MACROH2A2: variants seen among roughly 807,000 people sequenced by gnomAD.
MACROH2A2 encodes macroH2A.2 histone.
A neutral mutation model predicts 37.6 loss-of-function variants in MACROH2A2; 6 were observed. The observed-to-expected ratio is 0.16, with a 90% CI of 0.09 to 0.32. MACROH2A2 has a LOEUF of 0.32. Among genes scored for constraint, MACROH2A2 ranks in the 10% least tolerant of loss-of-function variants. MACROH2A2 has a pLI of 1.00. For synonymous variants in MACROH2A2, 192 were observed against 202.7 expected (o/e 0.95, Z 0.45); for missense variants, 290 against 485.9 (o/e 0.60, Z 3.79).
intron 1 of MACROH2A2, among the ~76,000 whole-genome samples, chr10:70,054,971 C>T (rs1012303735): frequency 2.6e-5 from 4 of 152,130 alleles, no homozygotes; most frequent in African/African-American, 9.7e-5. Flanking sequence ...TCCTCTATAT[C>T]AAAACTGCGT....
rs570273026 is a variant in MACROH2A2 at position 70,057,499 on chromosome 10, C to T, written c.-60+4499C>T. On this transcript the variant is annotated intron_variant, in intron 1 of 8. Transcript: ENST00000373255. ...GAATTTGGAGACTACAGGATTAGAC[C>T]GAGGGGATCTGAAAGTGCCCAGCCT... 2.0e-4 allele frequency among the ~76,000 whole-genome samples: 31 copies of T among 152,170 alleles called. 1 individual carries two copies. Among genetic ancestry groups the T allele is most frequent in the East Asian group, 7.7e-4 (4 of 5,176 alleles).
intron 3 of MACROH2A2, 99 bp from the exon 4 acceptor site, chr10:70,091,658 A>T (rs1259205574): frequency 4.8e-6 from 4 of 827,614 alleles, no homozygotes; most frequent in Non-Finnish European, 7.5e-6. Flanking sequence ...TGGGTGACAG[A>T]GTAAGATTCT....
At chr10:70,054,857 T>C (rs2136612122) in intron 1 of MACROH2A2, among the ~76,000 whole-genome samples, 1 of 152,344 alleles carries the variant, frequency 6.6e-6, no homozygotes, top group South Asian at 2.1e-4. Flanking sequence ...AAATTTCCTT[T>C]TAAAACATGC....
chr10:70,081,156 G>C (rs1204284664), intron 2 of MACROH2A2, among the ~76,000 whole-genome samples: 2 of 151,552 alleles, frequency 1.3e-5, no homozygotes, highest in African/African-American at 4.9e-5. Context: ...CTAGATGCTG[G>C]TTCTGCCACG....
At chr10:70,076,509 T>G (rs1167379321) in intron 2 of MACROH2A2, among the ~76,000 whole-genome samples, 1 of 152,236 alleles carries the variant, frequency 6.6e-6, no homozygotes. Flanking sequence ...TGTTGTTCTC[T>G]TATGTCATAG....
chr10:70,092,571 C>T (rs535797278), intron 4 of MACROH2A2, among the ~76,000 whole-genome samples: 5 of 152,320 alleles, frequency 3.3e-5, no homozygotes, highest in African/African-American at 9.6e-5. Flanking sequence ...ACAATGACTT[C>T]GTAGCAGACA....
chr10:70,074,640 C>G (rs1037349586), intron 1 of MACROH2A2, among the ~76,000 whole-genome samples: 1 of 152,094 alleles, frequency 6.6e-6, no homozygotes, highest in African/African-American at 2.4e-5. Context: ...GGTGGTTTCC[C>G]CCATACCATT....
chr10:70,054,027 G>A (rs1564538592), intron 1 of MACROH2A2, among the ~76,000 whole-genome samples: 1 of 152,106 alleles, frequency 6.6e-6, no homozygotes, highest in African/African-American at 2.4e-5. Flanking sequence ...GATCGCCCGT[G>A]GGTGTCCTCC....
chr10:70,056,517 T>C (rs1196468329), intron 1 of MACROH2A2, among the ~76,000 whole-genome samples: 1 of 152,226 alleles, frequency 6.6e-6, no homozygotes, highest in African/African-American at 2.4e-5. Flanking sequence ...AAGTGATTGA[T>C]AATACATAAT....
intron 7 of MACROH2A2, among the ~76,000 whole-genome samples, chr10:70,106,854 G>A (rs1330925057): frequency 1.3e-5 from 2 of 149,730 alleles, no homozygotes. Flanking sequence ...CATTCTGCTA[G>A]TAACATGATT....
At chr10:70,070,812 G>A (rs569389361) in intron 1 of MACROH2A2, among the ~76,000 whole-genome samples, 14 of 152,264 alleles carry the variant, frequency 9.2e-5, no homozygotes, top group South Asian at 4.1e-4. Flanking sequence ...TTAGGCATCC[G>A]TCCCCTAAAG....
At chr10:70,078,471 A>AAGGC (rs777750416) in intron 2 of MACROH2A2, among the ~76,000 whole-genome samples, 3 of 152,130 alleles carry the variant, frequency 2.0e-5, no homozygotes, top group Non-Finnish European at 4.4e-5. Context: ...CTCTCCCCCA[A>AAGGC]AGGCAGGCAG....
chr10:70,096,326 C>T (rs1255176534), intron 6 of MACROH2A2, among the ~76,000 whole-genome samples: 1 of 152,144 alleles, frequency 6.6e-6, no homozygotes, highest in East Asian at 1.9e-4. Flanking sequence ...ATCTATTCTA[C>T]CACTGATGAC....
intron 1 of MACROH2A2, among the ~76,000 whole-genome samples, chr10:70,068,635 A>G (rs975437159): frequency 5.3e-5 from 8 of 152,204 alleles, no homozygotes; most frequent in African/African-American, 1.2e-4. Flanking sequence ...CAGCTTTGCA[A>G]GAAAAAAATG....
rs184022112 is a variant in MACROH2A2, at chr10:70,090,444, C to A, written c.279+278C>A. Among the ~76,000 whole-genome samples, 476 of 152,316 alleles carry A rather than the reference C, an allele frequency of 3.1e-3. 1 individual carries two copies. The highest frequency in any genetic ancestry group is 0.011 in the African/African-American group (450 of 41,560). ...GTGTGTTGCTGAGGAAGGTGTGGCA[C>A]AAATGTTATTCTCTTCACTTTCTTC... On this transcript the variant is annotated intron_variant, in intron 3 of 8. Transcript: ENST00000373255.
chr10:70,108,423 C>T (rs1182816072), intron 7 of MACROH2A2, among the ~76,000 whole-genome samples: 2 of 152,118 alleles, frequency 1.3e-5, no homozygotes, highest in Non-Finnish European at 2.9e-5. Flanking sequence ...AGGATCCCTT[C>T]CTTGCCTTTT....
At position 70,052,860 on chromosome 10, in the gene MACROH2A2, T is replaced by C. The variant is rs968442447; in HGVS notation, c.-200T>C. 2 of 153,064 alleles carry C rather than the reference T, an allele frequency of 1.3e-5. No homozygotes were observed. Among genetic ancestry groups the C allele is most frequent in the Non-Finnish European group, 2.9e-5 (2 of 68,400 alleles). The allele number at this position is 153,064 out of a possible 1,614,324, so 9.5% of individuals were successfully genotyped here. A position where few individuals can be genotyped will look rare whatever the true frequency, so the allele number is the denominator to read the frequency against. ...ATCCGCGGCCCAGAGAACTGCCGCTTGCCGCCATTGACACGCACAGATAGA... is the reference window on the plus strand; with the variant it reads ...ATCCGCGGCCCAGAGAACTGCCGCTCGCCGCCATTGACACGCACAGATAGA... On this transcript the variant is annotated 5_prime_UTR_variant, in exon 1 of 9. Coordinates refer to ENST00000373255, the MANE Select transcript of MACROH2A2 (RefSeq NM_018649.3).
intron 8 of MACROH2A2, 75 bp downstream of exon 8, chr10:70,109,282 A>G: frequency 7.7e-7 from 1 of 1,295,104 alleles, no homozygotes; most frequent in Non-Finnish European, 1.1e-6. Context: ...CTTACATCTG[A>G]TCTGGGTGTT....
At chr10:70,065,205 T>A (rs2072072584) in intron 1 of MACROH2A2, among the ~76,000 whole-genome samples, 1 of 151,896 alleles carries the variant, frequency 6.6e-6, no homozygotes, top group Non-Finnish European at 1.5e-5. Context: ...GCCTCTCTAG[T>A]AGCTGGGATT....
Sources: gnomAD v4.1 joint callset for allele counts (sites outside exome capture counted in the v4.1 genomes callset) on GRCh38, gnomAD v4.1.1 for gene constraint, MANE v1.5 for transcripts, NCBI Gene and HGNC (gene_info 2026-07-23, HGNC 2026-07-21) for gene names.